The following COP1 variants were observed in gnomAD, a reference collection of about 807,000 sequenced individuals.
COP1 encodes E3 ubiquitin-protein ligase COP1.
Under a neutral mutation model 101.3 loss-of-function variants are expected in COP1, and 24 were observed. The observed-to-expected ratio is 0.24, with a 90% CI of 0.17 to 0.33. COP1 has a LOEUF of 0.33. COP1 is among the 10% of genes least tolerant of loss of function. The pLI is 1.00. For synonymous variants in COP1, 347 were observed against 341.9 expected, an observed-to-expected ratio of 1.01 and a Z score of -0.17; for missense variants, 663 against 906.2, an observed-to-expected ratio of 0.73 and a Z score of 3.45.
intron 1 of COP1, among the ~76,000 whole-genome samples, chr1:176,187,971 G>A (rs1698681814): frequency 6.6e-6 from 1 of 151,932 alleles, no homozygotes; most frequent in Non-Finnish European, 1.5e-5. Context: ...AGGGATTAGT[G>A]CCCTTACAAA....
chr1:176,017,717 G>A (rs1665919728), intron 15 of COP1: 1 of 152,120 alleles, frequency 6.6e-6, no homozygotes, highest in South Asian at 2.1e-4. Flanking sequence ...TAGAGATGAA[G>A]TTTCGCCATG....
intron 9 of COP1, among the ~76,000 whole-genome samples, chr1:176,112,763 TGAGA>T (rs2149573741): frequency 6.6e-6 from 1 of 152,226 alleles, no homozygotes; most frequent in South Asian, 2.1e-4. Context: ...TCTGCCTCCA[TGAGA>T]TCCACTTTTT....
intron 3 of COP1, among the ~76,000 whole-genome samples, chr1:176,173,004 A>G (rs1197560038): frequency 3.3e-5 from 5 of 152,298 alleles, no homozygotes; most frequent in Non-Finnish European, 7.4e-5. Context: ...CGTCAAGATA[A>G]CTTCTAGCTT....
At chr1:176,132,117 G>C (rs1432879601) in intron 8 of COP1, among the ~76,000 whole-genome samples, 1 of 151,564 alleles carries the variant, frequency 6.6e-6, no homozygotes, top group African/African-American at 2.4e-5. Flanking sequence ...CTTCTGAACT[G>C]CTACAATGCT....
At chr1:176,183,593 C>T (rs1196993598) in intron 2 of COP1, among the ~76,000 whole-genome samples, 1 of 152,160 alleles carries the variant, frequency 6.6e-6, no homozygotes, top group Non-Finnish European at 1.5e-5. Context: ...CCAGCAATTC[C>T]ACTTCTGAGT....
At chr1:176,027,825 A>G (rs1667938165) in intron 14 of COP1, 137 bp from the exon 15 acceptor site, 1 of 621,402 alleles carries the variant, frequency 1.6e-6, no homozygotes, top group Non-Finnish European at 2.9e-6. Flanking sequence ...ACTAGGACTA[A>G]AAGTGTTAAA....
At chr1:176,092,379 T>A (rs1251885037) in intron 9 of COP1, among the ~76,000 whole-genome samples, 1 of 152,102 alleles carries the variant, frequency 6.6e-6, no homozygotes, top group African/African-American at 2.4e-5. Flanking sequence ...ATATAAAAAT[T>A]ATAAATTGCA....
At chr1:176,137,386 G>A (rs998207107) in intron 6 of COP1, among the ~76,000 whole-genome samples, 1 of 152,014 alleles carries the variant, frequency 6.6e-6, no homozygotes, top group Admixed American at 6.6e-5. Context: ...GATTACTTCA[G>A]ATTTTATTGA....
At chr1:176,008,025 G>A (rs184196066) in intron 15 of COP1, among the ~76,000 whole-genome samples, 113 of 152,302 alleles carry the variant, frequency 7.4e-4, no homozygotes, top group Non-Finnish European at 1.4e-3. Flanking sequence ...CTCGGAGCCA[G>A]GTGCGGGATA....
intron 18 of COP1, among the ~76,000 whole-genome samples, chr1:175,982,550 C>A (rs1656123937): frequency 6.6e-6 from 1 of 151,914 alleles, no homozygotes; most frequent in Non-Finnish European, 1.5e-5. Flanking sequence ...TTTTGTCTAG[C>A]TTATGTGGGT....
rs527426541 is a variant in COP1 at position 175,975,558 on chromosome 1, C to T, written c.2133+11385G>A. 3.9e-5 allele frequency among the ~76,000 whole-genome samples: 6 copies of T among 152,174 alleles called. No individual in the cohort carries two copies. The South Asian group carries it at 8.3e-4, about 21-fold the overall frequency. ...CTCAGTAGCTGGGATTATAAGCATGCGCCAATATGCCAGGCTACTTTTTGT... is the reference window on the plus strand; with the variant it reads ...CTCAGTAGCTGGGATTATAAGCATGTGCCAATATGCCAGGCTACTTTTTGT... On this transcript the variant is annotated intron_variant, in intron 18 of 19. Transcript: ENST00000367669.
At chr1:176,072,504 T>C (rs2149355201) in intron 11 of COP1, among the ~76,000 whole-genome samples, 1 of 152,300 alleles carries the variant, frequency 6.6e-6, no homozygotes, top group Non-Finnish European at 1.5e-5. Context: ...ATTCATCTCA[T>C]TTCTCAACCA....
In COP1 at chr1:175,958,168, T is replaced by C. The variant is rs77178576; in HGVS notation, c.2134-10929A>G. On this transcript the variant is annotated intron_variant, in intron 18 of 19. Coordinates refer to ENST00000367669, the MANE Select transcript of COP1 (RefSeq NM_022457.7). ...TTAAAATGTATGTAGTTTATATTTA[T>C]GTAAATTATATTTCAATAATATCAA... 5.3e-3 allele frequency among the ~76,000 whole-genome samples: 802 copies of C among 152,250 alleles called. 7 individuals carry two copies. Among genetic ancestry groups the C allele is most frequent in the African/African-American group, 0.018 (739 of 41,572 alleles).
intron 9 of COP1, among the ~76,000 whole-genome samples, chr1:176,106,512 A>G (rs184193942): frequency 6.6e-6 from 1 of 152,204 alleles, no homozygotes; most frequent in African/African-American, 2.4e-5. Context: ...TGCTCTTAAG[A>G]TCAGTGCTTG....
intron 9 of COP1, among the ~76,000 whole-genome samples, chr1:176,092,764 T>C (rs1055044168): frequency 1.3e-5 from 2 of 152,178 alleles, no homozygotes; most frequent in Admixed American, 6.5e-5. Flanking sequence ...GAGTTTTAAA[T>C]TGATAAAAGT....
chr1:175,976,270 CT>C (rs10694480), intron 18 of COP1, among the ~76,000 whole-genome samples: 5,969 of 56,044 alleles, frequency 0.11, 264 homozygotes, highest in Middle Eastern at 0.23. Flanking sequence ...ATTAGTCATT[CT>C]TTTTTTTTTT....
chr1:175,986,738 G>C (rs1026349906), intron 18 of COP1, among the ~76,000 whole-genome samples: 1 of 152,086 alleles, frequency 6.6e-6, no homozygotes, highest in Admixed American at 6.5e-5. Context: ...GGTCACAGAG[G>C]GACATTATGA....
chr1:176,030,148 A>G (rs543466153), intron 14 of COP1, among the ~76,000 whole-genome samples: 4 of 152,114 alleles, frequency 2.6e-5, no homozygotes, highest in African/African-American at 9.7e-5. Flanking sequence ...AGATGGAGTA[A>G]GATTTTTAAA....
At chr1:175,968,544 G>A in intron 18 of COP1, 1 of 513,382 alleles carries the variant, frequency 1.9e-6, no homozygotes, top group Non-Finnish European at 3.9e-6. Flanking sequence ...TTCCATTTCT[G>A]GTGTGCTTCA....
Sources: allele counts gnomAD v4.1 joint callset (sites outside exome capture counted in the v4.1 genomes callset), GRCh38; gene constraint gnomAD v4.1.1; transcripts MANE v1.5; gene names NCBI Gene and HGNC (gene_info 2026-07-23, HGNC 2026-07-21).